The following DMRT1 variants were observed in gnomAD, a reference collection of about 807,000 sequenced individuals.
The protein encoded by DMRT1 is doublesex- and mab-3-related transcription factor 1.
Under a neutral mutation model 32.3 loss-of-function variants are expected in DMRT1, and 7 were observed. The observed-to-expected ratio is 0.22, with a 90% confidence interval of 0.12 to 0.41. DMRT1 has a LOEUF of 0.41. DMRT1 is among the 10% of genes least tolerant of loss of function. DMRT1 has a pLI of 1.00. For synonymous variants in DMRT1, 278 were observed against 206.1 expected (o/e 1.35, Z -2.99); for missense variants, 625 against 500.5 (o/e 1.25, Z -2.37).
intron 4 of DMRT1, among the ~76,000 whole-genome samples, chr9:939,366 T>G (rs1211204594): frequency 6.6e-6 from 1 of 152,214 alleles, no homozygotes; most frequent in Non-Finnish European, 1.5e-5. Context: ...TCCTCCTAAC[T>G]TCCCTCATTC....
rs73639459 is a variant in DMRT1 at position 876,399 on chromosome 9, A to G, written c.539-17513A>G. 7.2e-3 allele frequency among the ~76,000 whole-genome samples: 1,090 copies of G among 152,256 alleles called. 11 individuals are homozygous for G. Among genetic ancestry groups the G allele is most frequent in the African/African-American group, 0.025 (1,044 of 41,548 alleles). On this transcript the variant is annotated intron_variant, in intron 2 of 4. Transcript: ENST00000382276. The stretch of plus-strand genomic sequence containing the variant: ...CTGAAAAGGGGAAAAGGCCTAGACC[A>G]TCACAGTCTGTCTTTGGAGCTTAAG...
chr9:907,827 A>ATGTGTGTG (rs1258573965), intron 3 of DMRT1, among the ~76,000 whole-genome samples: 5 of 58,132 alleles, frequency 8.6e-5, no homozygotes, highest in African/African-American at 2.7e-4. Context: ...TCTAAAATAT[A>ATGTGTGTG]TATGTGTGTG....
rs544813392 is a variant in DMRT1 at position 863,148 on chromosome 9, A to C, written c.538+16005A>C. Among the ~76,000 whole-genome samples, 6 of 98,412 alleles carry C rather than the reference A, an allele frequency of 6.1e-5. No individual in the cohort carries two copies. The South Asian group carries it at 2.1e-3, about 34-fold the overall frequency. 64.6% of individuals were successfully genotyped at this position (98,412 alleles called of 152,430 possible). A position where few individuals can be genotyped will look rare whatever the true frequency, so the allele number is the denominator to read the frequency against. On this transcript the variant is annotated intron_variant, in intron 2 of 4. Coordinates refer to ENST00000382276, the MANE Select transcript of DMRT1 (RefSeq NM_021951.3). Reference sequence around the variant, plus strand: ...TGGGCAACAGCGAGATCAGGTCTCTACAAAAAAAAAAAAAAAAAAATTAGC... The same window carrying C: ...TGGGCAACAGCGAGATCAGGTCTCTCCAAAAAAAAAAAAAAAAAAATTAGC...
intron 4 of DMRT1, among the ~76,000 whole-genome samples, chr9:945,124 TA>T (rs1275089793): frequency 6.6e-6 from 1 of 152,202 alleles, no homozygotes; most frequent in Non-Finnish European, 1.5e-5. Flanking sequence ...ACAGTATAGC[TA>T]GCTAGACTCT....
intron 4 of DMRT1, among the ~76,000 whole-genome samples, chr9:923,269 C>G (rs1818413508): frequency 6.6e-6 from 1 of 152,170 alleles, no homozygotes; most frequent in South Asian, 2.1e-4. Flanking sequence ...TGCTCTTGAT[C>G]CAGAACGCCA....
At chr9:925,165 C>G (rs1049126621) in intron 4 of DMRT1, among the ~76,000 whole-genome samples, 1 of 151,948 alleles carries the variant, frequency 6.6e-6, no homozygotes, top group South Asian at 2.1e-4. Context: ...TCGTACTCCT[C>G]CAGGTGCCTG....
At chr9:919,630 G>A (rs1376249411) in intron 4 of DMRT1, among the ~76,000 whole-genome samples, 1 of 152,186 alleles carries the variant, frequency 6.6e-6, no homozygotes, top group Admixed American at 6.6e-5. Flanking sequence ...GAGATGGGGA[G>A]CCATAGCAGG....
At chr9:956,064 G>T (rs401160) in intron 4 of DMRT1, among the ~76,000 whole-genome samples, 109,481 of 152,166 alleles carry the variant, frequency 0.72, 39,464 homozygotes, top group East Asian at 0.78. Context: ...AGGTGTATAC[G>T]TATACAATGG....
intron 2 of DMRT1, among the ~76,000 whole-genome samples, chr9:891,794 G>T (rs898592377): frequency 6.6e-6 from 1 of 152,096 alleles, no homozygotes; most frequent in Non-Finnish European, 1.5e-5. Flanking sequence ...AAAGTGCTGG[G>T]ATTACAGGCG....
intron 2 of DMRT1, among the ~76,000 whole-genome samples, chr9:873,758 C>T (rs1158099236): frequency 6.6e-6 from 1 of 152,100 alleles, no homozygotes; most frequent in Non-Finnish European, 1.5e-5. Context: ...GGGGGAATGG[C>T]CTTCTAATAC....
At chr9:917,454 T>C (rs886360816) in intron 4 of DMRT1, among the ~76,000 whole-genome samples, 1 of 152,324 alleles carries the variant, frequency 6.6e-6, no homozygotes. Flanking sequence ...TTGAAATACA[T>C]AGTAACTCGA....
At chr9:916,266 A>G (rs1020461125) in intron 3 of DMRT1, among the ~76,000 whole-genome samples, 6 of 152,058 alleles carry the variant, frequency 3.9e-5, no homozygotes, top group African/African-American at 1.4e-4. Context: ...TTTAGAGGGG[A>G]CCTTAAGATA....
intron 4 of DMRT1, among the ~76,000 whole-genome samples, chr9:959,023 T>C (rs1345660272): frequency 6.6e-6 from 1 of 152,246 alleles, no homozygotes; most frequent in Non-Finnish European, 1.5e-5. Context: ...AATTTTCTCA[T>C]ACTGCAAAAT....
chr9:943,954 G>C (rs761646344), intron 4 of DMRT1, among the ~76,000 whole-genome samples: 3 of 152,152 alleles, frequency 2.0e-5, no homozygotes, highest in East Asian at 1.9e-4. Context: ...GTGTTTCTTG[G>C]AGTGGGGCAG....
intron 2 of DMRT1, among the ~76,000 whole-genome samples, chr9:870,160 G>A (rs1225819332): frequency 6.6e-6 from 1 of 152,200 alleles, no homozygotes; most frequent in African/African-American, 2.4e-5. Flanking sequence ...TACTTTGGGA[G>A]GCTGAGGCAG....
At chr9:961,013 C>G (rs142568506) in intron 4 of DMRT1, among the ~76,000 whole-genome samples, 2 of 152,140 alleles carry the variant, frequency 1.3e-5, no homozygotes, top group African/African-American at 4.8e-5. Context: ...TGGGGCCCCA[C>G]GCCTTGTGTA....
chr9:894,264 C>A, intron 3 of DMRT1, 69 bp downstream of exon 3: 1 of 1,503,686 alleles, frequency 6.7e-7, no homozygotes, highest in Non-Finnish European at 9.2e-7. Flanking sequence ...CACACATGCA[C>A]ATACACACAG....
chr9:850,076 C>G (rs193279592), intron 2 of DMRT1, among the ~76,000 whole-genome samples: 4 of 152,216 alleles, frequency 2.6e-5, no homozygotes, highest in Non-Finnish European at 4.4e-5. Flanking sequence ...GCCTCAGCCT[C>G]CCAAAGTTCT....
chr9:948,478 CATT>C (rs2129942867), intron 4 of DMRT1, among the ~76,000 whole-genome samples: 1 of 152,194 alleles, frequency 6.6e-6, no homozygotes, highest in Admixed American at 6.5e-5. Flanking sequence ...CAGACTCTAC[CATT>C]AGATGCCCTA....
Sources: gnomAD v4.1 joint callset for allele counts (sites outside exome capture counted in the v4.1 genomes callset) on GRCh38, gnomAD v4.1.1 for gene constraint, MANE v1.5 for transcripts, NCBI Gene and HGNC (gene_info 2026-07-23, HGNC 2026-07-21) for gene names.